Variants in BCAS3 observed in about 807,000 individuals in gnomAD.
BCAS3 encodes the protein BCAS4/BCAS3 fusion.
Under a neutral mutation model 116.1 loss-of-function variants are expected in BCAS3, and 53 were observed. That is an observed-to-expected ratio of 0.46 (90% CI 0.37 to 0.57). BCAS3 has a LOEUF of 0.57. BCAS3 is among the 20% of genes least tolerant of loss of function. The probability of loss-of-function intolerance (pLI) is 0.00; values close to 1 mark genes in which losing one functional copy is unlikely to be tolerated. For synonymous variants in BCAS3, 391 were observed against 408.2 expected (o/e 0.96, Z 0.51); for missense variants, 917 against 1,165.4 (o/e 0.79, Z 3.10).
At chr17:60,790,040 A>G (rs1022198422) in intron 6 of BCAS3, among the ~76,000 whole-genome samples, 1 of 152,100 alleles carries the variant, frequency 6.6e-6, no homozygotes, top group South Asian at 2.1e-4. Flanking sequence ...TTCTACTTGC[A>G]TGGACTTTCT....
intron 12 of BCAS3, among the ~76,000 whole-genome samples, chr17:60,915,889 T>A (rs1025436753): frequency 3.3e-5 from 5 of 152,032 alleles, no homozygotes; most frequent in African/African-American, 9.7e-5. Context: ...TTCGCCATGT[T>A]AGCCAGGATG....
intron 14 of BCAS3, among the ~76,000 whole-genome samples, chr17:60,959,624 A>G (rs781740883): frequency 1.1e-4 from 16 of 152,172 alleles, no homozygotes; most frequent in Non-Finnish European, 2.1e-4. Context: ...GAACCCAGCA[A>G]TTTCAGTCCT....
intron 7 of BCAS3, among the ~76,000 whole-genome samples, chr17:60,866,794 A>ATTATTTGTTTGTTC (rs2054634288): frequency 6.6e-6 from 1 of 151,998 alleles, no homozygotes; most frequent in African/African-American, 2.4e-5. Flanking sequence ...CTTCTTTATT[A>ATTATTTGTTTGTTC]CTTTTTTGAA....
rs765640675 is a variant in BCAS3 at position 61,368,446 on chromosome 17, G to C, written c.2545G>C (p.Asp849His). 1 of 1,612,236 alleles carries C rather than the reference G, an allele frequency of 6.2e-7. No homozygotes were observed. ...TEEGLRERLA[D>H]AMAESPSRDV... ...GGAGGGCCTCCGGGAGCGACTTGCC[G>C]ACGCCATGGCCGAGTCACCTAGCCG... Residue 849 changes from aspartate (D) to histidine (H), a missense_variant, in exon 23 of 24, where the codon GAC (aspartate) becomes CAC (histidine). Asp to His is a moderately conservative substitution (Grantham distance 81, BLOSUM62 -1). This residue lies in a region of BCAS3 where 109 missense variants were observed against 122.8 expected (regional missense o/e 0.89). Transcript: ENST00000407086. This position sits in a 1 kb window ranked among gnomAD's most constrained non-coding sequence, Gnocchi z 6.0.
intron 22 of BCAS3, among the ~76,000 whole-genome samples, chr17:61,254,322 A>T (rs1008063929): frequency 1.3e-5 from 2 of 152,324 alleles, no homozygotes; most frequent in Admixed American, 6.5e-5. Context: ...CAACTCTGAC[A>T]TGCACATTTC....
chr17:61,332,665 G>A lies in BCAS3; in HGVS notation c.2426-35662G>A, dbSNP rs191550192. ...GAGTCTTGCTCTGTCACCCAGGCTG[G>A]AGTGCAATGGCATGATCTCGGCTCA... On this transcript the variant is annotated intron_variant, in intron 22 of 23. Coordinates refer to ENST00000407086, the MANE Select transcript of BCAS3 (RefSeq NM_017679.5). This position sits in a 1 kb window ranked among gnomAD's most constrained non-coding sequence, Gnocchi z 5.4. Among the ~76,000 whole-genome samples the A allele has an allele frequency of 7.4e-4, 113 of 152,166 alleles. No individual in the cohort carries two copies. Among genetic ancestry groups the A allele is most frequent in the Non-Finnish European group, 1.2e-3 (83 of 68,010 alleles).
chr17:60,742,233 A>G (rs574460297), intron 5 of BCAS3, among the ~76,000 whole-genome samples: 10 of 152,258 alleles, frequency 6.6e-5, no homozygotes, highest in African/African-American at 2.4e-4. Context: ...ACAAGAATCA[A>G]TTGCATTACT....
intron 22 of BCAS3, among the ~76,000 whole-genome samples, chr17:61,086,259 G>T (rs1188828230): frequency 6.6e-5 from 10 of 152,002 alleles, no homozygotes; most frequent in Admixed American, 6.6e-4. Context: ...CACCCAGCTA[G>T]TTTTTGTATT....
chr17:60,851,330 T>C, intron 7 of BCAS3: 1 of 341,690 alleles, frequency 2.9e-6, no homozygotes, highest in Admixed American at 4.4e-5. Flanking sequence ...GCAAAGGCTC[T>C]CGGCATGCTG....
intron 6 of BCAS3, among the ~76,000 whole-genome samples, chr17:60,782,286 T>C (rs2045904081): frequency 6.6e-6 from 1 of 152,220 alleles, no homozygotes; most frequent in African/African-American, 2.4e-5. Flanking sequence ...TTACCAACTT[T>C]TAAACATCAC....
At position 60,979,256 on chromosome 17, in the gene BCAS3, T is replaced by C. The variant is rs868635530; in HGVS notation, c.1222-10715T>C. Reference sequence around the variant, plus strand: ...TTGTATTCCTAGGTATTTTATTCTCTTTGAAGCAATTGTGAATGGGAGTTC... The same window carrying C: ...TTGTATTCCTAGGTATTTTATTCTCCTTGAAGCAATTGTGAATGGGAGTTC... On this transcript the variant is annotated intron_variant, in intron 14 of 23. Coordinates refer to ENST00000407086, the MANE Select transcript of BCAS3 (RefSeq NM_017679.5). 9.6e-3 allele frequency among the ~76,000 whole-genome samples: 1,432 copies of C among 149,940 alleles called. 29 individuals are homozygous for C. Among genetic ancestry groups the C allele is most frequent in the African/African-American group, 0.034 (1,370 of 40,698 alleles).
chr17:60,700,132 T>C (rs2036189314), intron 4 of BCAS3, among the ~76,000 whole-genome samples: 1 of 150,184 alleles, frequency 6.7e-6, no homozygotes, highest in Non-Finnish European at 1.5e-5. Context: ...CATGTTTGTG[T>C]CATTGTACTC....
intron 22 of BCAS3, among the ~76,000 whole-genome samples, chr17:61,257,752 A>G (rs1488671786): frequency 1.3e-5 from 2 of 152,180 alleles, no homozygotes; most frequent in East Asian, 1.9e-4. Flanking sequence ...TAAATGTGTG[A>G]CTTACACTTA....
chr17:61,084,546 G>C lies in BCAS3; in HGVS notation c.2407G>C (p.Val803Leu), dbSNP rs568359595. Residue 803 changes from valine to leucine, a missense_variant, in exon 22 of 24, where the codon GTG (valine) becomes CTG (leucine). Coordinates refer to ENST00000407086, the MANE Select transcript of BCAS3 (RefSeq NM_017679.5). The surrounding 1 kb of genome is among the most constrained non-coding windows in gnomAD (Gnocchi z 5.5). ...CTCTGATCGAAGGGGAGTTTCCACA[G>C]TGATTGATGCTGCCTCAGGTAGAAA... ...PVSDRRGVSTVIDAASGTFDR... is the reference protein window; with the variant it reads ...PVSDRRGVSTLIDAASGTFDR... 1.3e-5 allele frequency: 21 copies of C among 1,613,912 alleles called. No individual in the cohort carries two copies. The South Asian group carries it at 2.2e-4, about 17-fold the overall frequency.
chr17:60,775,173 T>C (rs767596166), intron 6 of BCAS3, among the ~76,000 whole-genome samples: 2 of 152,236 alleles, frequency 1.3e-5, no homozygotes, highest in Non-Finnish European at 2.9e-5. Flanking sequence ...GCAGGCATTA[T>C]AGAGAAATTT....
intron 22 of BCAS3, among the ~76,000 whole-genome samples, chr17:61,270,763 A>G (rs2050170744): frequency 6.6e-6 from 1 of 151,968 alleles, no homozygotes; most frequent in South Asian, 2.1e-4. Context: ...TTGTTTTGAG[A>G]TGAAGTTTTG....
chr17:60,901,635 A>G (rs1183856682), intron 10 of BCAS3, among the ~76,000 whole-genome samples: 2 of 152,186 alleles, frequency 1.3e-5, no homozygotes, highest in Non-Finnish European at 2.9e-5. Context: ...ATATATTACT[A>G]TTGCTTTCAG....
intron 17 of BCAS3, among the ~76,000 whole-genome samples, chr17:61,035,260 C>A (rs1600646029): frequency 6.6e-6 from 1 of 152,064 alleles, no homozygotes; most frequent in Admixed American, 6.5e-5. Flanking sequence ...TAAAAATCTT[C>A]ACATTAAAAA....
rs1162496264 is a variant in BCAS3 at position 61,349,001 on chromosome 17, C to T, written c.2426-19326C>T. ...TCTCCTGACCTCATGATCCACCCAC[C>T]TCAGCCTCCCAAAGTGCTGGGATTA... is the stretch of plus-strand genomic sequence containing the variant. On this transcript the variant is annotated intron_variant, in intron 22 of 23. Transcript: ENST00000407086. This position sits in a 1 kb window ranked among gnomAD's most constrained non-coding sequence, Gnocchi z 4.7. Among the ~76,000 whole-genome samples the T allele has an allele frequency of 1.3e-5, 2 of 151,880 alleles. No homozygotes were observed. Among genetic ancestry groups the T allele is most frequent in the African/African-American group, 2.4e-5 (1 of 41,344 alleles).
Sources: allele counts gnomAD v4.1 joint callset (sites outside exome capture counted in the v4.1 genomes callset), GRCh38; gene constraint gnomAD v4.1.1; regional missense constraint gnomAD v4.1.1; non-coding constraint Gnocchi (gnomAD v3.1); transcripts MANE v1.5; gene names NCBI Gene and HGNC (gene_info 2026-07-23, HGNC 2026-07-21).